CHEK1: variants seen among roughly 807,000 people sequenced by gnomAD.
The protein encoded by CHEK1 is serine/threonine-protein kinase Chk1.
In CHEK1, 32 loss-of-function variants were observed where a neutral mutation model predicts 60.2. That is an observed-to-expected ratio of 0.53 (90% confidence interval 0.40 to 0.71). The LOEUF is 0.71. Ranked by LOEUF, CHEK1 falls within the 30% of genes least tolerant of loss-of-function variation. The pLI, the probability that CHEK1 is intolerant of heterozygous loss-of-function variation, is 0.00. For missense variants in CHEK1, 399 were observed against 564.6 expected (o/e 0.71, Z 2.97); for synonymous variants, 179 against 187.2 (o/e 0.96, Z 0.36).
chr11:125,635,608 A>G, intron 7 of CHEK1, 75 bp downstream of exon 7: 1 of 972,520 alleles, frequency 1.0e-6, no homozygotes, highest in Admixed American at 2.7e-5. Context: ...ATTTTTTCTT[A>G]CTTTTTTTTT....
At chr11:125,626,653 T>C in intron 1 of CHEK1, 96 bp from the exon 2 acceptor site, 2 of 1,041,718 alleles carry the variant, frequency 1.9e-6, no homozygotes, top group East Asian at 2.4e-5. Context: ...GCAAGAGCTG[T>C]TAATTTTCGT....
At chr11:125,674,269 C>A (rs571206541) in intron 13 of CHEK1, among the ~76,000 whole-genome samples, 2 of 152,114 alleles carry the variant, frequency 1.3e-5, no homozygotes, top group Non-Finnish European at 2.9e-5. Flanking sequence ...AATGGAAAAA[C>A]CATGTTATAT....
At chr11:125,629,763 C>T (rs918616208) in intron 5 of CHEK1, among the ~76,000 whole-genome samples, 1 of 151,390 alleles carries the variant, frequency 6.6e-6, no homozygotes, top group Non-Finnish European at 1.5e-5. Flanking sequence ...ACTGTGTTGT[C>T]CAGTCTGGGG....
In CHEK1 at chr11:125,653,713, C is replaced by G. The variant is rs376137488; in HGVS notation, c.1234-33C>G. ...GTTTACTAGTTTATTATCTACTCAC[C>G]CATGTGGCTTAACCTTATTTTTGTT... On this transcript the variant is annotated intron_variant, in intron 11 of 12. Transcript: ENST00000438015. The surrounding 1 kb of genome is among the most constrained non-coding windows in gnomAD (Gnocchi z 4.3). The G allele has an allele frequency of 1.6e-3, 1,743 of 1,058,368 alleles. 6 individuals are homozygous for G. The highest frequency in any genetic ancestry group is 2.0e-3 in the Middle Eastern group (10 of 4,898). 65.6% of individuals were successfully genotyped at this position (1,058,368 alleles called of 1,614,324 possible). A position where few individuals can be genotyped will look rare whatever the true frequency, so the allele number is the denominator to read the frequency against.
downstream of CHEK1, among the ~76,000 whole-genome samples, chr11:125,661,028 G>A (rs1322878758): frequency 6.6e-6 from 1 of 152,078 alleles, no homozygotes; most frequent in Non-Finnish European, 1.5e-5. Context: ...AGCCCACCTT[G>A]TCCTCCCCAA....
exon 14 of CHEK1, chr11:125,675,967 G>A (rs1942485795): frequency 6.0e-6 from 1 of 165,954 alleles, no homozygotes; most frequent in Non-Finnish European, 1.3e-5. Flanking sequence ...GAGTACAATG[G>A]CATGATCTCA....
Position 125,625,183 on chromosome 11 carries a change from C to T in CHEK1, c.-850C>T, listed in dbSNP as rs61451117. 0.094 allele frequency: 21,291 copies of T among 226,886 alleles called. 1,496 individuals are homozygous for T. Among genetic ancestry groups the T allele is most frequent in the African/African-American group, 0.22 (9,894 of 45,022 alleles). 14.1% of individuals were successfully genotyped at this position (226,886 alleles called of 1,614,324 possible). On this transcript the variant is annotated 5_prime_UTR_variant, in exon 1 of 13. Transcript: ENST00000438015. ...TTTATTTTGGCTCTCCCCGCCTGTTCTTTGCACATTAAAAATGAAAAAGTT... is the reference window on the plus strand; with the variant it reads ...TTTATTTTGGCTCTCCCCGCCTGTTTTTTGCACATTAAAAATGAAAAAGTT...
chr11:125,657,451 A>G (rs530462735), downstream of CHEK1, among the ~76,000 whole-genome samples: 140 of 152,272 alleles, frequency 9.2e-4, no homozygotes, highest in African/African-American at 3.3e-3. Context: ...CAGTCTCCCA[A>G]TCACAACCCA....
At chr11:125,673,539 A>G (rs1318153400) in intron 13 of CHEK1, among the ~76,000 whole-genome samples, 1 of 152,030 alleles carries the variant, frequency 6.6e-6, no homozygotes, top group African/African-American at 2.4e-5. Context: ...TGCTTCTGAC[A>G]AGGTCTTCCC....
At chr11:125,659,460 G>A (rs1941975089), downstream of CHEK1, among the ~76,000 whole-genome samples, 1 of 151,456 alleles carries the variant, frequency 6.6e-6, no homozygotes, top group African/African-American at 2.4e-5. Flanking sequence ...TTGCATATAG[G>A]CATTTTATAA....
At chr11:125,679,226 T>TTTTTTTTTTTTTTTTTTTTTTG (rs1382524633), downstream of CHEK1, among the ~76,000 whole-genome samples, 1 of 145,582 alleles carries the variant, frequency 6.9e-6, no homozygotes, top group South Asian at 2.2e-4. Context: ...CTTTTTTTTT[T>TTTTTTTTTTTTTTTTTTTTTTG]TTTGTTTCAA....
intron 13 of CHEK1, among the ~76,000 whole-genome samples, chr11:125,674,871 G>A (rs1942413323): frequency 6.6e-6 from 1 of 152,228 alleles, no homozygotes; most frequent in African/African-American, 2.4e-5. Flanking sequence ...GCTGGCTCCA[G>A]TCAACCTTTC....
Position 125,640,263 on chromosome 11 carries a change from C to T in CHEK1, c.814+2719C>T, listed in dbSNP as rs115018257. Among the ~76,000 whole-genome samples the T allele has an allele frequency of 5.2e-3, 791 of 152,270 alleles. 2 individuals are homozygous for T. Among genetic ancestry groups the T allele is most frequent in the African/African-American group, 0.018 (743 of 41,556 alleles). ...AATTCATCAATTCATGGGTTTTGGCCGGGCGCGGTGGCTCACGCCTGTAAT... is the reference window on the plus strand; with the variant it reads ...AATTCATCAATTCATGGGTTTTGGCTGGGCGCGGTGGCTCACGCCTGTAAT... On this transcript the variant is annotated intron_variant, in intron 8 of 12. Coordinates refer to ENST00000438015, the MANE Select transcript of CHEK1 (RefSeq NM_001114122.3).
rs1377549826 is a variant in CHEK1, at chr11:125,655,979, C to T, written c.*659C>T. ...TTAACTAACTTTACTCTAAAAATTA[C>T]TGTTGAACATCTTAAATATTTTTCT... On this transcript the variant is annotated 3_prime_UTR_variant, in exon 13 of 13. Coordinates refer to ENST00000438015, the MANE Select transcript of CHEK1 (RefSeq NM_001114122.3). The T allele has an allele frequency of 4.8e-6, 1 of 208,094 alleles. No homozygotes were observed. The highest frequency in any genetic ancestry group is 7.4e-5 in the East Asian group (1 of 13,598). 12.9% of individuals were successfully genotyped at this position (208,094 alleles called of 1,614,324 possible). A position where few individuals can be genotyped will look rare whatever the true frequency, so the allele number is the denominator to read the frequency against.
intron 13 of CHEK1, among the ~76,000 whole-genome samples, chr11:125,671,371 G>A (rs1942199283): frequency 6.6e-6 from 1 of 152,062 alleles, no homozygotes; most frequent in Non-Finnish European, 1.5e-5. Flanking sequence ...TCCTGCTTTG[G>A]GGATTTTATT....
chr11:125,640,218 G>T (rs958627809), intron 8 of CHEK1, among the ~76,000 whole-genome samples: 1 of 152,184 alleles, frequency 6.6e-6, no homozygotes, highest in Non-Finnish European at 1.5e-5. Flanking sequence ...AAGATTAAAT[G>T]GAAAGTACCA....
chr11:125,669,070 G>A (rs556141284), intron 13 of CHEK1, among the ~76,000 whole-genome samples: 1 of 152,076 alleles, frequency 6.6e-6, no homozygotes, highest in African/African-American at 2.4e-5. Context: ...AGTCTGTGCA[G>A]GCATGGCTTT....
chr11:125,642,480 GCA>G (rs1386846259), intron 8 of CHEK1, among the ~76,000 whole-genome samples: 1 of 151,868 alleles, frequency 6.6e-6, no homozygotes, highest in Non-Finnish European at 1.5e-5. Flanking sequence ...ATAATGCCTG[GCA>G]CAGAGTAGAC....
chr11:125,673,578 T>G (rs1016086268), intron 13 of CHEK1, among the ~76,000 whole-genome samples: 21 of 152,230 alleles, frequency 1.4e-4, no homozygotes, highest in African/African-American at 5.1e-4. Flanking sequence ...CTGGATCCAA[T>G]TATTTCTGCT....
Sources: gnomAD v4.1 joint callset for allele counts (sites outside exome capture counted in the v4.1 genomes callset) on GRCh38, gnomAD v4.1.1 for gene constraint, Gnocchi (gnomAD v3.1) non-coding constraint, MANE v1.5 for transcripts, NCBI Gene and HGNC (gene_info 2026-07-23, HGNC 2026-07-21) for gene names.